The following HSPA4L variants were observed in gnomAD, a reference collection of about 807,000 sequenced individuals.
The protein encoded by HSPA4L is heat shock 70 kDa protein 4L.
Under a neutral mutation model 100.3 loss-of-function variants are expected in HSPA4L, and 48 were observed. The ratio of observed to expected loss-of-function variants is 0.48; its 90% CI spans 0.38 to 0.61. The LOEUF (loss-of-function observed/expected upper bound fraction) is 0.61. Ranked by LOEUF, HSPA4L falls within the 20% of genes least tolerant of loss-of-function variation. The pLI is 0.00. For missense variants in HSPA4L, 886 were observed against 988.6 expected (o/e 0.90, Z 1.39); for synonymous variants, 319 against 328.2 (o/e 0.97, Z 0.30).
intron 3 of HSPA4L, among the ~76,000 whole-genome samples, chr4:127,796,434 C>T (rs780708946): frequency 4.6e-5 from 7 of 151,970 alleles, no homozygotes; most frequent in Non-Finnish European, 1.0e-4. Flanking sequence ...CATGGAACTA[C>T]TTACTATATG....
intron 13 of HSPA4L, 60 bp from the exon 14 acceptor site, chr4:127,820,367 AC>A: frequency 2.2e-6 from 3 of 1,383,774 alleles, no homozygotes; most frequent in Non-Finnish European, 2.9e-6. Flanking sequence ...TTTCTGTTTT[AC>A]CTCTTAAATC....
chr4:127,789,358 C>A (rs552751463), intron 1 of HSPA4L, among the ~76,000 whole-genome samples: 1 of 152,046 alleles, frequency 6.6e-6, no homozygotes, highest in East Asian at 1.9e-4. Flanking sequence ...CATTGAAAAC[C>A]GTCCCTGGCC....
At chr4:127,786,884 G>T (rs1002663393) in intron 1 of HSPA4L, among the ~76,000 whole-genome samples, 1 of 152,208 alleles carries the variant, frequency 6.6e-6, no homozygotes, top group East Asian at 1.9e-4. Context: ...TAGTGTGGAA[G>T]ACAATAAACT....
At chr4:127,786,015 AC>A (rs1031199257) in intron 1 of HSPA4L, among the ~76,000 whole-genome samples, 3 of 152,208 alleles carry the variant, frequency 2.0e-5, no homozygotes, top group Non-Finnish European at 4.4e-5. Context: ...GCTTAAGTAT[AC>A]CAAGGTGATT....
intron 6 of HSPA4L, 112 bp from the exon 7 acceptor site, chr4:127,803,516 AG>A: frequency 2.8e-6 from 3 of 1,060,840 alleles, no homozygotes; most frequent in Non-Finnish European, 3.9e-6. Flanking sequence ...TGATTGGACA[AG>A]TTTTTTTAGC....
At chr4:127,783,085 G>T (rs1332120176) in intron 1 of HSPA4L, among the ~76,000 whole-genome samples, 1 of 151,992 alleles carries the variant, frequency 6.6e-6, no homozygotes, top group African/African-American at 2.4e-5. Context: ...TCCTTTCCCC[G>T]TCCCTCTGGG....
chr4:127,818,738 G>T (rs1733737788), intron 13 of HSPA4L, among the ~76,000 whole-genome samples: 1 of 151,950 alleles, frequency 6.6e-6, no homozygotes, highest in African/African-American at 2.4e-5. Context: ...ACTGGAAGGT[G>T]GAGGGTGGAG....
At chr4:127,799,153 C>T (rs1340117295) in intron 4 of HSPA4L, among the ~76,000 whole-genome samples, 2 of 152,126 alleles carry the variant, frequency 1.3e-5, no homozygotes, top group African/African-American at 4.8e-5. Flanking sequence ...ACATTGTTAA[C>T]TGGTTCTTTA....
chr4:127,786,402 A>G (rs1732719015), intron 1 of HSPA4L, among the ~76,000 whole-genome samples: 2 of 152,206 alleles, frequency 1.3e-5, no homozygotes, highest in Admixed American at 6.5e-5. Flanking sequence ...TCTACCATCA[A>G]TAAATGTCTA....
At chr4:127,794,736 C>A (rs1379681452) in intron 2 of HSPA4L, among the ~76,000 whole-genome samples, 10 of 152,024 alleles carry the variant, frequency 6.6e-5, no homozygotes, top group Non-Finnish European at 1.3e-4. Flanking sequence ...CATATTCTGG[C>A]TGACCTTCTA....
In HSPA4L at chr4:127,811,628, G is replaced by A. The variant is rs140659600; in HGVS notation, c.1570G>A (p.Asp524Asn). ...AACTTCATTTAAAAATGAAAACAAA[G>A]ATAATATGGTATGTAGAAATTCTTT... ...TETSFKNENK[D>N]NMDKMQVDQE... Residue 524 changes from aspartate to asparagine, a missense_variant, in exon 12 of 19, where the codon GAT (aspartate) becomes AAT (asparagine). Asp to Asn is a conservative substitution (Grantham distance 23). Transcript: ENST00000296464. 353 of 1,607,358 alleles carry A rather than the reference G, an allele frequency of 2.2e-4. No individual in the cohort carries two copies. Among genetic ancestry groups the A allele is most frequent in the Non-Finnish European group, 3.0e-4 (347 of 1,175,852 alleles).
chr4:127,832,841 T>TA lies in HSPA4L; in HGVS notation c.2488dup (p.Thr830AsnfsTer2). On this transcript the variant is annotated frameshift_variant, in exon 19 of 19. Coordinates refer to ENST00000296464, the MANE Select transcript of HSPA4L (RefSeq NM_014278.4). LOFTEE classifies it high-confidence loss of function. The stretch of plus-strand genomic sequence containing the variant: ...ATTCAACAAAAGACAGCTCACAGCA[T>TA]ACTAAATCCTCTGGAGAGATGGAAG... The TA allele has an allele frequency of 1.2e-6, 2 of 1,611,298 alleles. No homozygotes were observed. Among genetic ancestry groups the TA allele is most frequent in the Non-Finnish European group, 1.7e-6 (2 of 1,178,816 alleles).
At chr4:127,803,360 A>AGGT (rs1553933096) in intron 6 of HSPA4L, among the ~76,000 whole-genome samples, 1 of 151,442 alleles carries the variant, frequency 6.6e-6, no homozygotes, top group African/African-American at 2.4e-5. Flanking sequence ...ATGAGGCTTT[A>AGGT]GTTGTAATTC....
chr4:127,812,637 ATTTT>A (rs779257256), intron 12 of HSPA4L: 23 of 658,318 alleles, frequency 3.5e-5, no homozygotes, highest in Middle Eastern at 4.0e-4. Flanking sequence ...TCTGCCCTAG[ATTTT>A]TTGTTTGTTT....
chr4:127,782,117 C>A, upstream of HSPA4L: 1 of 455,234 alleles, frequency 2.2e-6, no homozygotes. Flanking sequence ...TTCTCCCGCC[C>A]CCGGATAGCT....
Position 127,832,907 on chromosome 4 carries a change from G to T in HSPA4L, c.*33G>T. On this transcript the variant is annotated 3_prime_UTR_variant, in exon 19 of 19. Transcript: ENST00000296464. ...TTTTACCTTCACATTAATTCAAACCGTGCAAGTAACCACGGGGTCCATCTT... is the reference window on the plus strand; with the variant it reads ...TTTTACCTTCACATTAATTCAAACCTTGCAAGTAACCACGGGGTCCATCTT... The T allele has an allele frequency of 6.6e-7, 1 of 1,504,026 alleles. No individual in the cohort carries two copies. The highest frequency in any genetic ancestry group is 9.0e-7 in the Non-Finnish European group (1 of 1,106,602). 93.2% of individuals were successfully genotyped at this position (1,504,026 alleles called of 1,614,324 possible). A position where few individuals can be genotyped will look rare whatever the true frequency, so the allele number is the denominator to read the frequency against.
chr4:127,788,242 T>C (rs1486269007), intron 1 of HSPA4L, among the ~76,000 whole-genome samples: 5 of 152,302 alleles, frequency 3.3e-5, no homozygotes, highest in Non-Finnish European at 5.9e-5. Context: ...ACTAAGCATT[T>C]GAAAACTCTT....
intron 12 of HSPA4L, among the ~76,000 whole-genome samples, chr4:127,817,435 A>G (rs1176751458): frequency 6.6e-6 from 1 of 152,116 alleles, no homozygotes; most frequent in Non-Finnish European, 1.5e-5. Flanking sequence ...TTAATTCTAG[A>G]TGTAGTTGAA....
At chr4:127,803,442 T>G (rs147262309) in intron 6 of HSPA4L, among the ~76,000 whole-genome samples, 187 bp from the exon 7 acceptor site, 75 of 152,270 alleles carry the variant, frequency 4.9e-4, no homozygotes, top group African/African-American at 1.6e-3. Flanking sequence ...AAATTCAGAA[T>G]AAGGAAATAT....
Sources: allele counts gnomAD v4.1 joint callset (sites outside exome capture counted in the v4.1 genomes callset), GRCh38; gene constraint gnomAD v4.1.1; transcripts MANE v1.5; gene names NCBI Gene and HGNC (gene_info 2026-07-23, HGNC 2026-07-21).